MSRB3: variants seen among roughly 807,000 people sequenced by gnomAD.
The protein encoded by MSRB3 is methionine-R-sulfoxide reductase B3.
Under a neutral mutation model 21.0 loss-of-function variants are expected in MSRB3, and 13 were observed. The observed-to-expected ratio is 0.62, with a 90% confidence interval of 0.40 to 0.98. The LOEUF is 0.98. Ranked by LOEUF, MSRB3 falls within the 50% of genes least tolerant of loss-of-function variation. MSRB3 has a pLI of 0.00. For missense variants in MSRB3, 199 were observed against 230.3 expected (o/e 0.86, Z 0.88); for synonymous variants, 87 against 88.6 (o/e 0.98, Z 0.10).
At chr12:65,353,218 A>G (rs1004124518) in intron 4 of MSRB3, among the ~76,000 whole-genome samples, 9 of 152,118 alleles carry the variant, frequency 5.9e-5, no homozygotes, top group African/African-American at 2.2e-4. Flanking sequence ...TGGGGTGGAA[A>G]GTTCTGCAGA....
intron 5 of MSRB3, among the ~76,000 whole-genome samples, chr12:65,406,370 G>C (rs1446156733): frequency 6.6e-6 from 1 of 151,994 alleles, no homozygotes; most frequent in Admixed American, 6.6e-5. Context: ...AAAATACTTA[G>C]GAATAAATTT....
intron 4 of MSRB3, among the ~76,000 whole-genome samples, chr12:65,350,120 C>G (rs1314904959): frequency 1.3e-5 from 2 of 151,882 alleles, no homozygotes; most frequent in Admixed American, 1.3e-4. Context: ...TTTCAGCTAT[C>G]TACATATGGC....
rs570780360 is a variant in MSRB3, at chr12:65,296,675, G to A, written c.-51-11854G>A. Among the ~76,000 whole-genome samples, 21 of 152,222 alleles carry A rather than the reference G, an allele frequency of 1.4e-4. 2 individuals are homozygous for A. Among genetic ancestry groups the A allele is most frequent in the Admixed American group, 4.6e-4 (7 of 15,294 alleles). ...TAGTCCCTGGGAACTAGGACACTAC[G>A]CACAAAGATGAAGGAAAACAGGAAG... On this transcript the variant is annotated intron_variant, in intron 1 of 6. Coordinates refer to ENST00000308259, the MANE Select transcript of MSRB3 (RefSeq NM_001031679.3).
chr12:65,384,695 A>G (rs2060812198), intron 5 of MSRB3, among the ~76,000 whole-genome samples: 1 of 152,180 alleles, frequency 6.6e-6, no homozygotes, highest in Non-Finnish European at 1.5e-5. Flanking sequence ...TAAATGTAAA[A>G]CAAATTTTAA....
chr12:65,420,022 A>C (rs1470349147), intron 5 of MSRB3: 3 of 554,146 alleles, frequency 5.4e-6, no homozygotes, highest in Non-Finnish European at 1.1e-5. Flanking sequence ...GGTGAAGCTC[A>C]TGCTGTCTGG....
At chr12:65,452,956 C>G (rs75164447) in intron 5 of MSRB3, among the ~76,000 whole-genome samples, 3 of 152,118 alleles carry the variant, frequency 2.0e-5, no homozygotes, top group African/African-American at 7.2e-5. Flanking sequence ...AAGTACTGAA[C>G]ATAAAACCTG....
intron 5 of MSRB3, among the ~76,000 whole-genome samples, chr12:65,432,911 T>A (rs1006739999): frequency 6.6e-6 from 1 of 151,992 alleles, no homozygotes; most frequent in African/African-American, 2.4e-5. Context: ...TGTGAATTTG[T>A]CAGTGACTCA....
chr12:65,437,772 C>T (rs1264874377), intron 5 of MSRB3, among the ~76,000 whole-genome samples: 1 of 151,946 alleles, frequency 6.6e-6, no homozygotes, highest in Non-Finnish European at 1.5e-5. Context: ...AATTCCATTT[C>T]CCTTGTCAGT....
At chr12:65,331,387 T>C (rs9325179) in intron 4 of MSRB3, among the ~76,000 whole-genome samples, 152,307 of 152,310 alleles carry the variant, frequency 1, 76,152 homozygotes, top group Middle Eastern at 1. Context: ...CTGAGATAGA[T>C]AGCCCTAGGA....
intron 1 of MSRB3, among the ~76,000 whole-genome samples, chr12:65,302,211 T>C (rs1317595078): frequency 6.6e-6 from 1 of 151,850 alleles, no homozygotes; most frequent in Non-Finnish European, 1.5e-5. Context: ...TTTTGGGGAG[T>C]GTAAGGAATC....
intron 5 of MSRB3, among the ~76,000 whole-genome samples, chr12:65,402,041 ACATTTT>A (rs1880156178): frequency 6.6e-6 from 1 of 152,206 alleles, no homozygotes; most frequent in East Asian, 1.9e-4. Flanking sequence ...GCTGCCCTTA[ACATTTT>A]TTCCTTCATT....
intron 5 of MSRB3, among the ~76,000 whole-genome samples, chr12:65,445,501 TGG>T (rs1882572044): frequency 6.6e-6 from 1 of 150,974 alleles, no homozygotes; most frequent in Non-Finnish European, 1.5e-5. Context: ...GCAGGATAAC[TGG>T]TAACCAAAAT....
intron 5 of MSRB3, among the ~76,000 whole-genome samples, chr12:65,379,653 C>G (rs982633081): frequency 1.3e-5 from 2 of 152,182 alleles, no homozygotes; most frequent in Non-Finnish European, 2.9e-5. Context: ...GGCTTTTGCT[C>G]CATATCATGT....
At chr12:65,418,627 T>G in intron 5 of MSRB3, 1 of 591,120 alleles carries the variant, frequency 1.7e-6, no homozygotes, top group Non-Finnish European at 3.0e-6. Flanking sequence ...CAGATCTTAT[T>G]TTTACATCTC....
intron 5 of MSRB3, among the ~76,000 whole-genome samples, chr12:65,443,440 A>T (rs528853772): frequency 6.6e-6 from 1 of 152,310 alleles, no homozygotes; most frequent in South Asian, 2.1e-4. Context: ...TGTAAAAAAA[A>T]TGTCTAAAGC....
intron 1 of MSRB3, among the ~76,000 whole-genome samples, chr12:65,290,020 T>C (rs531421129): frequency 5.9e-5 from 9 of 152,334 alleles, no homozygotes; most frequent in African/African-American, 1.9e-4. Context: ...TTTCTACTTT[T>C]TAATTTATTT....
At chr12:65,408,771 G>T (rs1880558854) in intron 5 of MSRB3, among the ~76,000 whole-genome samples, 1 of 152,170 alleles carries the variant, frequency 6.6e-6, no homozygotes, top group Non-Finnish European at 1.5e-5. Flanking sequence ...AACAGAGAAG[G>T]CTGGAGTGGG....
At chr12:65,406,158 T>C (rs1030985219) in intron 5 of MSRB3, among the ~76,000 whole-genome samples, 2 of 152,190 alleles carry the variant, frequency 1.3e-5, no homozygotes, top group African/African-American at 4.8e-5. Flanking sequence ...ATAAGTGTCA[T>C]CGAGCTTTCT....
rs866073943 is a variant in MSRB3 at position 65,349,305 on chromosome 12, T to C, written c.264-19693T>C. ...TGCCACATTTTCTTAATCCAGTCTA[T>C]CATTGTTGGACATTTGGGTTGGTTC... is the stretch of plus-strand genomic sequence containing the variant. On this transcript the variant is annotated intron_variant, in intron 4 of 6. Transcript: ENST00000308259. Among the ~76,000 whole-genome samples, 798 of 151,916 alleles carry C rather than the reference T, an allele frequency of 5.3e-3. 4 individuals carry two copies. Among genetic ancestry groups the C allele is most frequent in the African/African-American group, 0.018 (759 of 41,394 alleles).
Sources: gnomAD v4.1 joint callset for allele counts (sites outside exome capture counted in the v4.1 genomes callset) on GRCh38, gnomAD v4.1.1 for gene constraint, MANE v1.5 for transcripts, NCBI Gene and HGNC (gene_info 2026-07-23, HGNC 2026-07-21) for gene names.